COMMD10: variants seen among roughly 807,000 people sequenced by gnomAD.
The protein encoded by COMMD10 is COMM domain-containing protein 10.
A neutral mutation model predicts 28.9 loss-of-function variants in COMMD10; 33 were observed. That is an observed-to-expected ratio of 1.14 (90% CI 0.87 to 1.53). The LOEUF (loss-of-function observed/expected upper bound fraction) is 1.53. COMMD10 is among the 40% of genes most tolerant of loss of function. COMMD10 has a pLI of 0.00. For missense variants in COMMD10, 310 were observed against 233.4 expected (o/e 1.33, Z -2.14); for synonymous variants, 110 against 81.7 (o/e 1.35, Z -1.87).
chr5:116,104,785 A>T (rs1301743818), intron 4 of COMMD10, among the ~76,000 whole-genome samples: 2 of 151,886 alleles, frequency 1.3e-5, no homozygotes, highest in Non-Finnish European at 1.5e-5. Flanking sequence ...AAGCCCAGCT[A>T]ATTTTTTGTA....
chr5:116,106,086 G>C (rs1221746438), intron 4 of COMMD10, among the ~76,000 whole-genome samples: 1 of 148,670 alleles, frequency 6.7e-6, no homozygotes, highest in Non-Finnish European at 1.5e-5. Flanking sequence ...TGTTTTTGTT[G>C]AGTTTTGTTT....
chr5:116,190,083 A>G (rs548338326), intron 5 of COMMD10, among the ~76,000 whole-genome samples: 1 of 152,266 alleles, frequency 6.6e-6, no homozygotes, highest in South Asian at 2.1e-4. Context: ...AGATTGGATG[A>G]GTATATATCA....
intron 5 of COMMD10, among the ~76,000 whole-genome samples, chr5:116,222,171 C>G (rs545980517): frequency 5.3e-5 from 8 of 152,286 alleles, no homozygotes; most frequent in African/African-American, 1.9e-4. Context: ...ACTTCTTACT[C>G]TCTTCAGTGA....
chr5:116,233,361 A>G (rs910650346), intron 5 of COMMD10, among the ~76,000 whole-genome samples: 1 of 152,160 alleles, frequency 6.6e-6, no homozygotes, highest in Non-Finnish European at 1.5e-5. Flanking sequence ...AACATAGTAT[A>G]TATAAGGGTC....
intron 5 of COMMD10, among the ~76,000 whole-genome samples, chr5:116,274,502 T>G (rs1410824870): frequency 1.3e-5 from 2 of 151,850 alleles, no homozygotes; most frequent in African/African-American, 2.4e-5. Flanking sequence ...ACACTTGGCC[T>G]GCGGACTATC....
chr5:116,135,684 A>G (rs1222154086), intron 5 of COMMD10, among the ~76,000 whole-genome samples: 1 of 152,132 alleles, frequency 6.6e-6, no homozygotes, highest in African/African-American at 2.4e-5. Flanking sequence ...TTTTATTATT[A>G]TTGTTGTTAA....
At chr5:116,230,456 A>G (rs1381796143) in intron 5 of COMMD10, among the ~76,000 whole-genome samples, 2 of 152,046 alleles carry the variant, frequency 1.3e-5, no homozygotes, top group African/African-American at 2.4e-5. Flanking sequence ...CATTATAACC[A>G]GGACTTCACA....
intron 4 of COMMD10, among the ~76,000 whole-genome samples, chr5:116,112,037 A>G (rs891432751): frequency 1.3e-5 from 2 of 152,092 alleles, no homozygotes; most frequent in African/African-American, 4.8e-5. Flanking sequence ...TGTTTTCTTG[A>G]TGGGGTTGCC....
Position 116,198,857 on chromosome 5 carries a change from T to C in COMMD10, c.510+64679T>C, listed in dbSNP as rs181936730. Among the ~76,000 whole-genome samples, 51 of 152,308 alleles carry C rather than the reference T, an allele frequency of 3.3e-4. 1 individual carries two copies. The highest frequency in any genetic ancestry group is 9.4e-4 in the African/African-American group (39 of 41,570). ...ACCACAGTTTATTTATTCATTTACC[T>C]ACTGAAAGACATCTTGATTGCTTTC... On this transcript the variant is annotated intron_variant, in intron 5 of 6. Coordinates refer to ENST00000274458, the MANE Select transcript of COMMD10 (RefSeq NM_016144.4).
chr5:116,132,062 G>A (rs2112769909), intron 4 of COMMD10, among the ~76,000 whole-genome samples: 1 of 151,932 alleles, frequency 6.6e-6, no homozygotes, highest in East Asian at 1.9e-4. Flanking sequence ...GTGGGATGAT[G>A]GGACGAGGTT....
At chr5:116,180,219 ATTT>A (rs1747909915) in intron 5 of COMMD10, among the ~76,000 whole-genome samples, 1 of 152,106 alleles carries the variant, frequency 6.6e-6, no homozygotes, top group African/African-American at 2.4e-5. Context: ...TGTATAAAAC[ATTT>A]TTGAATGGAA....
intron 4 of COMMD10, among the ~76,000 whole-genome samples, chr5:116,119,988 A>G (rs1751371665): frequency 6.6e-6 from 1 of 152,090 alleles, no homozygotes. Context: ...TTTGAATTGT[A>G]TGGTTCCATG....
chr5:116,250,038 T>C (rs1750063987), intron 5 of COMMD10, among the ~76,000 whole-genome samples: 1 of 151,930 alleles, frequency 6.6e-6, no homozygotes, highest in Admixed American at 6.6e-5. Flanking sequence ...ATAATGATAA[T>C]TTATATTCCC....
At chr5:116,128,813 C>T (rs984925322) in intron 4 of COMMD10, among the ~76,000 whole-genome samples, 5 of 151,910 alleles carry the variant, frequency 3.3e-5, no homozygotes, top group Non-Finnish European at 4.4e-5. Flanking sequence ...TGGCGTATCC[C>T]TCAATTTTTA....
intron 5 of COMMD10, among the ~76,000 whole-genome samples, chr5:116,195,657 T>C (rs534354891): frequency 4.6e-5 from 7 of 152,032 alleles, no homozygotes; most frequent in Non-Finnish European, 1.0e-4. Context: ...AAAGAAATCA[T>C]AGATGACCCA....
chr5:116,109,567 C>T (rs544504992), intron 4 of COMMD10, among the ~76,000 whole-genome samples: 1 of 152,182 alleles, frequency 6.6e-6, no homozygotes, highest in Non-Finnish European at 1.5e-5. Flanking sequence ...GCACTCCAGC[C>T]TGGGCGACAG....
intron 5 of COMMD10, among the ~76,000 whole-genome samples, chr5:116,272,663 A>G (rs947103565): frequency 1.3e-5 from 2 of 151,862 alleles, no homozygotes; most frequent in Non-Finnish European, 2.9e-5. Context: ...CCATTCTTGG[A>G]AGAAATGCTT....
intron 5 of COMMD10, among the ~76,000 whole-genome samples, chr5:116,251,020 C>A (rs1467727278): frequency 4.6e-5 from 7 of 151,936 alleles, no homozygotes; most frequent in Admixed American, 3.9e-4. Flanking sequence ...AAGTGAAATT[C>A]CTGCCTAAAG....
intron 5 of COMMD10, among the ~76,000 whole-genome samples, chr5:116,164,235 T>G (rs1753018765): frequency 1.3e-5 from 2 of 152,030 alleles, no homozygotes; most frequent in Non-Finnish European, 2.9e-5. Context: ...GCAGGAGAAC[T>G]GCTTGAACCC....
Sources: allele counts gnomAD v4.1 joint callset (sites outside exome capture counted in the v4.1 genomes callset), GRCh38; gene constraint gnomAD v4.1.1; transcripts MANE v1.5; gene names NCBI Gene and HGNC (gene_info 2026-07-23, HGNC 2026-07-21).